CAST: variants seen among roughly 807,000 people sequenced by gnomAD.
CAST encodes calpastatin.
In CAST, 76 loss-of-function variants were observed where a neutral mutation model predicts 119.6. The observed-to-expected ratio is 0.64, with a 90% CI of 0.53 to 0.77. The LOEUF (loss-of-function observed/expected upper bound fraction) is 0.77. Ranked by LOEUF, CAST falls within the 30% of genes least tolerant of loss-of-function variation. The probability of loss-of-function intolerance (pLI) is 0.00; values close to 1 mark genes in which losing one functional copy is unlikely to be tolerated. For missense variants in CAST, 953 were observed against 946.5 expected, an observed-to-expected ratio of 1.01 and a Z score of -0.09; for synonymous variants, 319 against 331.6, an observed-to-expected ratio of 0.96 and a Z score of 0.41.
chr5:96,701,637 T>A (rs1753901115), intron 3 of CAST, among the ~76,000 whole-genome samples: 1 of 152,020 alleles, frequency 6.6e-6, no homozygotes, highest in African/African-American at 2.4e-5. Context: ...AAACCCTGTC[T>A]CTACTAAAAA....
chr5:96,160,654 A>G, the CAST span, among the ~76,000 whole-genome samples: 10,212 of 152,210 alleles, frequency 0.067, 588 homozygotes, highest in East Asian at 0.25. Flanking sequence ...CCATATGGTA[A>G]CCCTATATTT....
At chr5:96,080,135 C>T in the CAST span, among the ~76,000 whole-genome samples, 9 of 152,254 alleles carry the variant, frequency 5.9e-5, no homozygotes, top group South Asian at 1.9e-3. Flanking sequence ...GGACAAGTTA[C>T]TCAACTTTCT....
the CAST span, among the ~76,000 whole-genome samples, chr5:95,981,011 G>A: frequency 6.6e-6 from 1 of 152,126 alleles, no homozygotes; most frequent in African/African-American, 2.4e-5. Context: ...ACCTCCTTTT[G>A]AGGCTGGAGG....
At chr5:96,566,669 C>CTTGAGGTATTTTAAAACTAAGTCATT (rs1746474644) in intron 1 of CAST, among the ~76,000 whole-genome samples, 1 of 152,280 alleles carries the variant, frequency 6.6e-6, no homozygotes, top group African/African-American at 2.4e-5. Flanking sequence ...CATTTAAAGT[C>CTTGAGGTATTTTAAAACTAAGTCATT]TAAAACTAAA....
At chr5:96,409,475 G>A in the CAST span, among the ~76,000 whole-genome samples, 7 of 152,170 alleles carry the variant, frequency 4.6e-5, no homozygotes, top group African/African-American at 1.4e-4. Flanking sequence ...AAAAGGTTAT[G>A]TTACTGAGAC....
intron 1 of CAST, among the ~76,000 whole-genome samples, chr5:96,540,465 G>A (rs373896431): frequency 6.6e-6 from 1 of 151,876 alleles, no homozygotes; most frequent in East Asian, 1.9e-4. Context: ...AGCAGTTTTA[G>A]ATTTATAGAA....
At chr5:96,086,770 G>T in the CAST span, among the ~76,000 whole-genome samples, 1 of 152,094 alleles carries the variant, frequency 6.6e-6, no homozygotes, top group African/African-American at 2.4e-5. Context: ...TTAGTTAGTT[G>T]ACTTTTGAGA....
the CAST span, among the ~76,000 whole-genome samples, chr5:96,150,000 C>T: frequency 6.6e-6 from 1 of 152,112 alleles, no homozygotes; most frequent in Non-Finnish European, 1.5e-5. Flanking sequence ...TCACCATCTT[C>T]ATCCTATTGT....
chr5:96,672,493 T>C (rs1212996858), intron 1 of CAST, among the ~76,000 whole-genome samples: 1 of 152,008 alleles, frequency 6.6e-6, no homozygotes, highest in African/African-American at 2.4e-5. Context: ...GATCAACTGA[T>C]GTCAGGAGTT....
At chr5:96,639,361 T>G (rs1747922811) in intron 1 of CAST, among the ~76,000 whole-genome samples, 1 of 152,196 alleles carries the variant, frequency 6.6e-6, no homozygotes, top group Non-Finnish European at 1.5e-5. Flanking sequence ...GCTGGAGAGA[T>G]AGGAGAGCTT....
At chr5:96,102,888 T>C in the CAST span, among the ~76,000 whole-genome samples, 4 of 152,150 alleles carry the variant, frequency 2.6e-5, no homozygotes, top group African/African-American at 9.7e-5. Context: ...CAATCTATTA[T>C]GGGAGGCTTA....
At chr5:96,300,436 C>T in the CAST span, among the ~76,000 whole-genome samples, 1 of 152,136 alleles carries the variant, frequency 6.6e-6, no homozygotes. Context: ...CTGAGGCTCA[C>T]TATTCTGTTC....
At chr5:96,449,806 T>C in the CAST span, among the ~76,000 whole-genome samples, 10 of 152,212 alleles carry the variant, frequency 6.6e-5, no homozygotes, top group Admixed American at 6.5e-4. Flanking sequence ...ACTCTCTTTA[T>C]GTCTGTTGCA....
chr5:96,652,788 A>G (rs7718593), intron 1 of CAST, among the ~76,000 whole-genome samples: 28,113 of 152,234 alleles, frequency 0.18, 3,483 homozygotes, highest in African/African-American at 0.33. Context: ...AACAGAGCTC[A>G]TGACAGAAAT....
At chr5:96,752,662 G>GT (rs1167621803) in intron 20 of CAST, among the ~76,000 whole-genome samples, 3 of 137,204 alleles carry the variant, frequency 2.2e-5, no homozygotes, top group Non-Finnish European at 4.5e-5. Flanking sequence ...CTTTTCTTTG[G>GT]TGATCTTTCC....
At chr5:96,157,617 C>T in the CAST span, among the ~76,000 whole-genome samples, 3 of 152,190 alleles carry the variant, frequency 2.0e-5, no homozygotes, top group African/African-American at 7.2e-5. Context: ...AATCGTGAAA[C>T]TGTTAGCAAC....
chr5:96,157,766 C>G, the CAST span, among the ~76,000 whole-genome samples: 10 of 152,118 alleles, frequency 6.6e-5, no homozygotes, highest in African/African-American at 2.2e-4. Context: ...ACTGTGTGTC[C>G]AAGCTGTGGT....
At chr5:96,560,141 C>T (rs1324533695) in intron 1 of CAST, among the ~76,000 whole-genome samples, 1 of 152,220 alleles carries the variant, frequency 6.6e-6, no homozygotes, top group South Asian at 2.1e-4. Flanking sequence ...GCTGGGAAAA[C>T]TGGCTAGCCA....
chr5:96,135,829 T>G, the CAST span, among the ~76,000 whole-genome samples: 3 of 152,120 alleles, frequency 2.0e-5, no homozygotes, highest in African/African-American at 7.2e-5. Context: ...GAGGCTGAGG[T>G]GGGCAGATCA....
Sources: allele counts gnomAD v4.1 joint callset (sites outside exome capture counted in the v4.1 genomes callset), GRCh38; gene constraint gnomAD v4.1.1; transcripts MANE v1.5; gene names NCBI Gene and HGNC (gene_info 2026-07-23, HGNC 2026-07-21).